The following PDLIM5 variants were observed in gnomAD, a reference collection of about 807,000 sequenced individuals.
The protein encoded by PDLIM5 is PDZ and LIM domain protein 5.
Under a neutral mutation model 64.2 loss-of-function variants are expected in PDLIM5, and 34 were observed. The observed-to-expected ratio is 0.53, with a 90% CI of 0.40 to 0.71. The LOEUF is 0.71. Ranked by LOEUF, PDLIM5 falls within the 30% of genes least tolerant of loss-of-function variation. The pLI, the probability that PDLIM5 is intolerant of heterozygous loss-of-function variation, is 0.00. For missense variants in PDLIM5, 683 were observed against 733.6 expected (o/e 0.93, Z 0.80); for synonymous variants, 253 against 269.1 (o/e 0.94, Z 0.59).
intron 5 of PDLIM5, chr4:94,579,495 A>C: frequency 8.0e-7 from 1 of 1,253,800 alleles, no homozygotes. Flanking sequence ...TGGTAGTAAT[A>C]TTTTAAAATA....
At position 94,665,938 on chromosome 4, in the gene PDLIM5, T is replaced by C. The variant is rs909719800; in HGVS notation, c.*1871T>C. The C allele has an allele frequency of 3.2e-5, 49 of 1,512,852 alleles. No individual in the cohort carries two copies. The African/African-American group carries it at 4.0e-4, about 12-fold the overall frequency. The allele number at this position is 1,512,852 out of a possible 1,614,324, so 93.7% of individuals were successfully genotyped here. A position where few individuals can be genotyped will look rare whatever the true frequency, so the allele number is the denominator to read the frequency against. ...ATACCACATGGAGACAGGGAAACAATTGTGGTAAAACTGTGGATCCTGTTG... is the reference window on the plus strand; with the variant it reads ...ATACCACATGGAGACAGGGAAACAACTGTGGTAAAACTGTGGATCCTGTTG... On this transcript the variant is annotated 3_prime_UTR_variant, in exon 13 of 13. Transcript: ENST00000317968.
At chr4:94,515,187 G>A (rs1277406162) in intron 2 of PDLIM5, among the ~76,000 whole-genome samples, 1 of 152,054 alleles carries the variant, frequency 6.6e-6, no homozygotes, top group Admixed American at 6.6e-5. Flanking sequence ...ATGGAGAGTT[G>A]GGTACACATG....
chr4:94,605,375 A>T (rs976963796), intron 7 of PDLIM5, among the ~76,000 whole-genome samples: 2 of 152,220 alleles, frequency 1.3e-5, no homozygotes, highest in African/African-American at 4.8e-5. Flanking sequence ...ACAATGCATG[A>T]ATAGCTCTTT....
intron 2 of PDLIM5, among the ~76,000 whole-genome samples, chr4:94,497,132 G>A (rs1333946016): frequency 6.6e-6 from 1 of 152,120 alleles, no homozygotes; most frequent in Non-Finnish European, 1.5e-5. Flanking sequence ...ATTTTTTGAA[G>A]GCTGCTTTAC....
chr4:94,660,365 T>C (rs1742584935), intron 11 of PDLIM5, among the ~76,000 whole-genome samples: 1 of 152,176 alleles, frequency 6.6e-6, no homozygotes, highest in South Asian at 2.1e-4. Context: ...GAATGTTCTT[T>C]GTCAGTTTTT....
chr4:94,622,331 G>A (rs552718379), intron 8 of PDLIM5, among the ~76,000 whole-genome samples: 1 of 152,184 alleles, frequency 6.6e-6, no homozygotes, highest in South Asian at 2.1e-4. Context: ...AGATACAAAT[G>A]TATGTATAAA....
At chr4:94,465,866 G>A (rs965121549) in intron 2 of PDLIM5, among the ~76,000 whole-genome samples, 1 of 152,086 alleles carries the variant, frequency 6.6e-6, no homozygotes, top group African/African-American at 2.4e-5. Context: ...TTATTTCCGA[G>A]GAATAGATGA....
intron 2 of PDLIM5, among the ~76,000 whole-genome samples, chr4:94,475,448 A>G (rs1478995172): frequency 6.6e-6 from 1 of 152,226 alleles, no homozygotes; most frequent in African/African-American, 2.4e-5. Context: ...CAAATAAACA[A>G]TGGACTCTTG....
chr4:94,494,432 GT>G (rs61675663), intron 2 of PDLIM5, among the ~76,000 whole-genome samples: 47 of 70,766 alleles, frequency 6.6e-4, no homozygotes, highest in East Asian at 2.9e-3. Context: ...TTTTTTTCTT[GT>G]TTTTTTTTTT....
chr4:94,555,349 C>T (rs370182076), intron 3 of PDLIM5, among the ~76,000 whole-genome samples: 5 of 152,202 alleles, frequency 3.3e-5, no homozygotes, highest in East Asian at 1.9e-4. Flanking sequence ...GCCACCTCAC[C>T]GGCCTAAATG....
chr4:94,538,727 T>A (rs546919117), intron 3 of PDLIM5, among the ~76,000 whole-genome samples: 1 of 152,346 alleles, frequency 6.6e-6, no homozygotes, highest in South Asian at 2.1e-4. Context: ...CCTTTTCTTA[T>A]ACTTTCTTTA....
intron 2 of PDLIM5, among the ~76,000 whole-genome samples, chr4:94,482,117 C>CTT (rs60217224): frequency 2.1e-5 from 3 of 145,604 alleles, no homozygotes; most frequent in South Asian, 2.2e-4. Context: ...TTTTACCTCC[C>CTT]TTTTTTTTTT....
chr4:94,664,845 G>A lies in PDLIM5; in HGVS notation c.*778G>A, dbSNP rs370215027. On this transcript the variant is annotated 3_prime_UTR_variant, in exon 13 of 13. Transcript: ENST00000317968. ...AGATCGTACCACTGCACTCCAGCCT[G>A]GGTGACAGAGTGAGACTCTGTCTCC... 35 of 649,626 alleles carry A rather than the reference G, an allele frequency of 5.4e-5. No individual in the cohort carries two copies. In the East Asian group the frequency reaches 2.3e-3, roughly 43 times the overall value. 40.2% of individuals were successfully genotyped at this position (649,626 alleles called of 1,614,324 possible). A position where few individuals can be genotyped will look rare whatever the true frequency, so the allele number is the denominator to read the frequency against.
chr4:94,624,842 A>C lies in PDLIM5; in HGVS notation c.1108+6651A>C, dbSNP rs546121027. Among the ~76,000 whole-genome samples, 90 of 152,312 alleles carry C rather than the reference A, an allele frequency of 5.9e-4. No homozygotes were observed. The Middle Eastern group carries it at 0.01, about 17-fold the overall frequency. On this transcript the variant is annotated intron_variant, in intron 8 of 12. Coordinates refer to ENST00000317968, the MANE Select transcript of PDLIM5 (RefSeq NM_006457.5). ...GGGGGTTTTGAATGTAAGAGTGTGGACTTGATGCTGAAAGGAAGCTATTAA... is the reference window on the plus strand; with the variant it reads ...GGGGGTTTTGAATGTAAGAGTGTGGCCTTGATGCTGAAAGGAAGCTATTAA...
At chr4:94,577,130 C>A in intron 5 of PDLIM5, 1 of 441,254 alleles carries the variant, frequency 2.3e-6, no homozygotes, top group Non-Finnish European at 4.5e-6. Context: ...TCATTTTTAT[C>A]AGATTTATTG....
At chr4:94,511,846 T>C (rs556305818) in intron 2 of PDLIM5, among the ~76,000 whole-genome samples, 2 of 152,316 alleles carry the variant, frequency 1.3e-5, no homozygotes, top group African/African-American at 4.8e-5. Flanking sequence ...AGTGTGTATA[T>C]GTATCACATT....
At chr4:94,480,057 C>CT (rs1285738921) in intron 2 of PDLIM5, among the ~76,000 whole-genome samples, 2 of 152,262 alleles carry the variant, frequency 1.3e-5, no homozygotes, top group Non-Finnish European at 2.9e-5. Flanking sequence ...CAGCAGCTGT[C>CT]TTTTTTTATT....
intron 2 of PDLIM5, among the ~76,000 whole-genome samples, chr4:94,518,689 T>G (rs1357577801): frequency 6.6e-6 from 1 of 152,228 alleles, no homozygotes; most frequent in Admixed American, 6.5e-5. Context: ...CATAGAATCT[T>G]CTCTTTTCTA....
At position 94,582,381 on chromosome 4, in the gene PDLIM5, G is replaced by A. The variant is rs139679143; in HGVS notation, c.711-3184G>A. ...AAACCTTGTCCTTTTAAAAAATAGT[G>A]GATCTTTCAGTCACTTGATACTTGA... On this transcript the variant is annotated intron_variant, in intron 5 of 12. Coordinates refer to ENST00000317968, the MANE Select transcript of PDLIM5 (RefSeq NM_006457.5). Among the ~76,000 whole-genome samples, 658 of 152,122 alleles carry A rather than the reference G, an allele frequency of 4.3e-3. 2 individuals are homozygous for A. The highest frequency in any genetic ancestry group is 0.02 in the Middle Eastern group (6 of 294).
Sources: allele counts gnomAD v4.1 joint callset (sites outside exome capture counted in the v4.1 genomes callset), GRCh38; gene constraint gnomAD v4.1.1; transcripts MANE v1.5; gene names NCBI Gene and HGNC (gene_info 2026-07-23, HGNC 2026-07-21).